The following OR1J2 variants were observed in gnomAD, a reference collection of about 807,000 sequenced individuals.
OR1J2 encodes the protein olfactory receptor 1J2.
For missense variants in OR1J2, 304 were observed against 246.1 expected (o/e 1.24, Z -1.57); for synonymous variants, 142 against 99.7 (o/e 1.42, Z -2.52).
the OR1J2 span, among the ~76,000 whole-genome samples, chr9:122,448,232 G>T: frequency 6.6e-6 from 1 of 152,170 alleles, no homozygotes; most frequent in Non-Finnish European, 1.5e-5. Flanking sequence ...TCAAGGGAAG[G>T]TACTATGCGT....
At chr9:122,526,619 C>T in the OR1J2 span, 1 of 1,614,102 alleles carries the variant, frequency 6.2e-7, no homozygotes, top group Non-Finnish European at 8.5e-7. Context: ...GGGTTCGGAC[C>T]CTCAGGATAG....
At chr9:122,566,262 C>T in the OR1J2 span, among the ~76,000 whole-genome samples, 32 of 152,308 alleles carry the variant, frequency 2.1e-4, no homozygotes, top group African/African-American at 7.5e-4. Context: ...AAGTCTTTCA[C>T]CATTGCATAG....
the OR1J2 span, among the ~76,000 whole-genome samples, chr9:122,578,108 C>T: frequency 1.3e-5 from 2 of 152,176 alleles, no homozygotes; most frequent in East Asian, 3.9e-4. Context: ...GTAGATATAC[C>T]ATTTGATCCA....
chr9:122,562,800 A>G, the OR1J2 span, among the ~76,000 whole-genome samples: 1 of 152,068 alleles, frequency 6.6e-6, no homozygotes, highest in South Asian at 2.1e-4. Flanking sequence ...ATTTTATTTA[A>G]CATAATGTCG....
chr9:122,507,623 C>A (rs1401635549), upstream of OR1J2, among the ~76,000 whole-genome samples: 1 of 152,130 alleles, frequency 6.6e-6, no homozygotes, highest in Non-Finnish European at 1.5e-5. Flanking sequence ...TGATCATTTT[C>A]CCCCTGTGCT....
the OR1J2 span, among the ~76,000 whole-genome samples, chr9:122,496,658 G>A: frequency 6.6e-6 from 1 of 152,270 alleles, no homozygotes; most frequent in African/African-American, 2.4e-5. Context: ...GAGACATCAA[G>A]TAACATATGT....
the OR1J2 span, among the ~76,000 whole-genome samples, chr9:122,505,283 G>A: frequency 6.6e-6 from 1 of 152,180 alleles, no homozygotes; most frequent in African/African-American, 2.4e-5. Flanking sequence ...CCTTCTTGCT[G>A]GTGAGGACTC....
chr9:122,480,844 G>A, the OR1J2 span, among the ~76,000 whole-genome samples: 1 of 151,406 alleles, frequency 6.6e-6, no homozygotes, highest in Non-Finnish European at 1.5e-5. Flanking sequence ...CACCAGGCTG[G>A]AGTGCAGTGG....
the OR1J2 span, among the ~76,000 whole-genome samples, chr9:122,544,023 G>A: frequency 6.6e-6 from 1 of 152,128 alleles, no homozygotes; most frequent in African/African-American, 2.4e-5. Context: ...TGAGGTGGCA[G>A]CTATTTCCTT....
the OR1J2 span, among the ~76,000 whole-genome samples, chr9:122,550,844 C>T: frequency 0.22 from 33,892 of 151,024 alleles, 3,991 homozygotes; most frequent in Middle Eastern, 0.3. Context: ...TAGAGAAAGA[C>T]GAAGATGACC....
chr9:122,464,137 T>C, the OR1J2 span, among the ~76,000 whole-genome samples: 1 of 151,766 alleles, frequency 6.6e-6, no homozygotes, highest in African/African-American at 2.4e-5. Context: ...GGGCTGGGAG[T>C]GTGGTTCCCA....
At chr9:122,478,711 G>A in the OR1J2 span, among the ~76,000 whole-genome samples, 2 of 152,208 alleles carry the variant, frequency 1.3e-5, no homozygotes, top group South Asian at 2.1e-4. Context: ...ATCATAATAC[G>A]AAGTAAGCAA....
At chr9:122,567,111 T>C in the OR1J2 span, 3 of 152,418 alleles carry the variant, frequency 2.0e-5, no homozygotes, top group Non-Finnish European at 2.9e-5. Context: ...AGCTAAAATA[T>C]ATATCCTCCT....
the OR1J2 span, among the ~76,000 whole-genome samples, chr9:122,461,790 T>C: frequency 1.1e-4 from 16 of 152,214 alleles, no homozygotes; most frequent in Admixed American, 1.0e-3. Flanking sequence ...GTACTTGTTA[T>C]AATTTCAGTT....
the OR1J2 span, among the ~76,000 whole-genome samples, chr9:122,474,574 CTT>C: frequency 6.6e-6 from 1 of 152,106 alleles, no homozygotes; most frequent in African/African-American, 2.4e-5. Flanking sequence ...GATGAAATAA[CTT>C]TTGTCACACC....
downstream of OR1J2, among the ~76,000 whole-genome samples, chr9:122,514,170 G>A (rs1216749575): frequency 6.6e-6 from 1 of 151,876 alleles, no homozygotes; most frequent in East Asian, 1.9e-4. Context: ...ACATTCGTGG[G>A]GTGCATGTCC....
At position 122,510,852 on chromosome 9, in the gene OR1J2, C is replaced by T; in HGVS notation, c.51C>T (p.Leu17=). Reference sequence around the variant, plus strand: ...TGTCCGAGTTCCTCCTTCTGGGCCTCCCCATCCGGCCAGAGCAGCAGGCTG... The same window carrying T: ...TGTCCGAGTTCCTCCTTCTGGGCCTTCCCATCCGGCCAGAGCAGCAGGCTG... The part of the protein sequence containing the change: ...SSVSEFLLLG[L]PIRPEQQAVF... The change falls in exon 1 of 1, where the codon CTC becomes CTT. Residue 17 remains leucine, a synonymous_variant. Coordinates refer to ENST00000335302, the MANE Select transcript of OR1J2 (RefSeq NM_054107.1). 1.2e-6 allele frequency: 2 copies of T among 1,608,638 alleles called. No individual in the cohort carries two copies. The highest frequency in any genetic ancestry group is 2.2e-5 in the South Asian group (2 of 90,814).
At chr9:122,527,170 G>C in the OR1J2 span, 1 of 1,614,156 alleles carries the variant, frequency 6.2e-7, no homozygotes, top group South Asian at 1.1e-5. Context: ...AGGATGATGA[G>C]CAGGTTCCCA....
the OR1J2 span, among the ~76,000 whole-genome samples, chr9:122,449,297 C>T: frequency 6.6e-6 from 1 of 152,172 alleles, no homozygotes; most frequent in Non-Finnish European, 1.5e-5. Context: ...TTGGGCATTG[C>T]ACCAGATCTG....
Sources: gnomAD v4.1 joint callset for allele counts (sites outside exome capture counted in the v4.1 genomes callset) on GRCh38, gnomAD v4.1.1 for gene constraint, MANE v1.5 for transcripts, NCBI Gene and HGNC (gene_info 2026-07-23, HGNC 2026-07-21) for gene names.